DCDC1: variants seen among roughly 807,000 people sequenced by gnomAD.
DCDC1 encodes the protein doublecortin domain-containing protein 1.
In DCDC1, 200 loss-of-function variants were observed where a neutral mutation model predicts 178.3. That is an observed-to-expected ratio of 1.12 (90% confidence interval 1.00 to 1.26). DCDC1 has a LOEUF of 1.26. DCDC1 is among the 50% of genes most tolerant of loss of function. DCDC1 has a pLI of 0.00. For missense variants in DCDC1, 1,983 were observed against 1,749.2 expected (o/e 1.13, Z -2.38); for synonymous variants, 690 against 604.8 (o/e 1.14, Z -2.07).
chr11:30,869,614 C>T (rs1315242796), intron 38 of DCDC1, among the ~76,000 whole-genome samples: 3 of 152,076 alleles, frequency 2.0e-5, no homozygotes, highest in Non-Finnish European at 4.4e-5. Flanking sequence ...ACAGGGGGAG[C>T]ACATGGAAGG....
chr11:31,311,336 T>G (rs1182198985), intron 3 of DCDC1, among the ~76,000 whole-genome samples: 2 of 152,144 alleles, frequency 1.3e-5, no homozygotes, highest in African/African-American at 2.4e-5. Context: ...ATATGGGCTG[T>G]CAGTGCCTTC....
At chr11:31,289,683 G>T (rs1167827234) in intron 7 of DCDC1, among the ~76,000 whole-genome samples, 1 of 151,978 alleles carries the variant, frequency 6.6e-6, no homozygotes, top group Non-Finnish European at 1.5e-5. Context: ...TCTCAAAAAT[G>T]AGACTAGAAA....
In DCDC1 at chr11:31,106,956, AGTAACTGGTTGGGG is replaced by A; in HGVS notation, c.1588-10_1591del. 1 of 765,036 alleles carries A rather than the reference AGTAACTGGTTGGGG, an allele frequency of 1.3e-6. No individual in the cohort carries two copies. The allele number at this position is 765,036 out of a possible 1,614,324, so 47.4% of individuals were successfully genotyped here. A position where few individuals can be genotyped will look rare whatever the true frequency, so the allele number is the denominator to read the frequency against. ...TTGAAGCCTTTGATGAATCTTGAGAAGTAACTGGTTGGGGGTTAGAGGGGCAGAGGGGATAGAGG... is the reference window on the plus strand; with the variant it reads ...TTGAAGCCTTTGATGAATCTTGAGAAGTTAGAGGGGCAGAGGGGATAGAGG... On this transcript the variant is annotated splice_acceptor_variant and splice_polypyrimidine_tract_variant and coding_sequence_variant and intron_variant, in exon 13 of 39. Transcript: ENST00000684477. LOFTEE classifies it high-confidence loss of function.
chr11:31,368,419 A>G (rs1310324497), intron 1 of DCDC1, among the ~76,000 whole-genome samples: 1 of 152,178 alleles, frequency 6.6e-6, no homozygotes, highest in African/African-American at 2.4e-5. Flanking sequence ...TCATTCTGAC[A>G]GTACTGTTTA....
intron 20 of DCDC1, among the ~76,000 whole-genome samples, chr11:30,987,612 T>C (rs1950728952): frequency 6.6e-6 from 1 of 151,986 alleles, no homozygotes; most frequent in South Asian, 2.1e-4. Context: ...TAAGCTGAGA[T>C]TTGAATGACA....
rs536264867 is a variant in DCDC1 at position 31,228,709 on chromosome 11, A to G, written c.1221+12741T>C. ...TTAGAAATTGCCAATATAAGGAATTAAAAAGCAAATTCTATAGACTTCAAA... is the reference window on the plus strand; with the variant it reads ...TTAGAAATTGCCAATATAAGGAATTGAAAAGCAAATTCTATAGACTTCAAA... On this transcript the variant is annotated intron_variant, in intron 9 of 38. Transcript: ENST00000684477. Among the ~76,000 whole-genome samples the G allele has an allele frequency of 2.6e-5, 4 of 152,266 alleles. No individual in the cohort carries two copies. The East Asian group carries it at 7.7e-4, about 29-fold the overall frequency.
At chr11:31,267,250 G>T (rs1305600722) in intron 7 of DCDC1, among the ~76,000 whole-genome samples, 1 of 151,978 alleles carries the variant, frequency 6.6e-6, no homozygotes, top group East Asian at 1.9e-4. Context: ...GAGTGCAGTG[G>T]TACGATCTCA....
chr11:31,127,336 GTAATAT>G, intron 11 of DCDC1, 127 bp downstream of exon 11: 1 of 515,488 alleles, frequency 1.9e-6, no homozygotes, highest in Non-Finnish European at 3.4e-6. Context: ...ATCACCACTT[GTAATAT>G]TACCAGTTTG....
intron 20 of DCDC1, among the ~76,000 whole-genome samples, chr11:31,051,991 C>T (rs1158802328): frequency 1.3e-5 from 2 of 152,150 alleles, no homozygotes; most frequent in African/African-American, 2.4e-5. Context: ...AGCAATGGTA[C>T]ATCACATTTC....
chr11:30,931,969 C>A lies in DCDC1; in HGVS notation c.2716-17G>T. 6.3e-7 allele frequency: 1 copy of A among 1,589,466 alleles called. No individual in the cohort carries two copies. The highest frequency in any genetic ancestry group is 1.8e-5 in the Admixed American group (1 of 55,112). The stretch of plus-strand genomic sequence containing the variant: ...ATCAAACTCCTTCAGAAAGAAATGA[C>A]AAAAACATAATAATAAATACAGAAG... On this transcript the variant is annotated splice_polypyrimidine_tract_variant and intron_variant, in intron 21 of 38. Coordinates refer to ENST00000684477, the MANE Select transcript of DCDC1 (RefSeq NM_001387274.1).
At chr11:31,207,514 A>C (rs1972001783) in intron 9 of DCDC1, among the ~76,000 whole-genome samples, 1 of 152,094 alleles carries the variant, frequency 6.6e-6, no homozygotes, top group Admixed American at 6.5e-5. Context: ...CCATTTTACC[A>C]GCACACCTGC....
intron 38 of DCDC1, among the ~76,000 whole-genome samples, chr11:30,874,590 C>T (rs1401455741): frequency 1.3e-5 from 2 of 152,096 alleles, no homozygotes; most frequent in Middle Eastern, 3.2e-3. Flanking sequence ...TTTAGAGGCA[C>T]TAACCTAGGA....
chr11:30,976,830 G>A (rs1176267668), intron 20 of DCDC1, among the ~76,000 whole-genome samples: 1 of 152,038 alleles, frequency 6.6e-6, no homozygotes, highest in Non-Finnish European at 1.5e-5. Context: ...TCCCACTACT[G>A]GGCATTTATC....
chr11:31,314,728 AC>A (rs5790854), intron 3 of DCDC1, among the ~76,000 whole-genome samples: 14,654 of 152,204 alleles, frequency 0.096, 1,946 homozygotes, highest in African/African-American at 0.3. Flanking sequence ...GGTCAGGCAC[AC>A]CCAGAATAAT....
At chr11:31,335,907 T>C (rs1950248909) in intron 1 of DCDC1, among the ~76,000 whole-genome samples, 1 of 152,206 alleles carries the variant, frequency 6.6e-6, no homozygotes, top group Non-Finnish European at 1.5e-5. Flanking sequence ...AAGGAAAATA[T>C]ATTACTTTTA....
intron 8 of DCDC1, among the ~76,000 whole-genome samples, chr11:31,263,352 A>G (rs1433393579): frequency 1.3e-5 from 2 of 152,184 alleles, no homozygotes; most frequent in Non-Finnish European, 2.9e-5. Flanking sequence ...AGAGGAGACA[A>G]AAATGCAAGA....
intron 1 of DCDC1, among the ~76,000 whole-genome samples, chr11:31,337,798 T>G (rs970651145): frequency 1.8e-4 from 28 of 152,214 alleles, no homozygotes; most frequent in African/African-American, 6.7e-4. Flanking sequence ...AGTCAGGGAA[T>G]AAAAAACCAG....
intron 8 of DCDC1, among the ~76,000 whole-genome samples, chr11:31,250,844 T>C (rs1174621456): frequency 6.6e-6 from 1 of 151,260 alleles, no homozygotes; most frequent in Non-Finnish European, 1.5e-5. Flanking sequence ...AACCACCACC[T>C]CCTGGGTTCA....
chr11:31,296,117 C>A (rs987837032), intron 6 of DCDC1, among the ~76,000 whole-genome samples: 1 of 152,120 alleles, frequency 6.6e-6, no homozygotes, highest in Non-Finnish European at 1.5e-5. Flanking sequence ...AGCCAGCCAG[C>A]CCATCAGGGG....
Sources: allele counts gnomAD v4.1 joint callset (sites outside exome capture counted in the v4.1 genomes callset), GRCh38; gene constraint gnomAD v4.1.1; transcripts MANE v1.5; gene names NCBI Gene and HGNC (gene_info 2026-07-23, HGNC 2026-07-21).